Variants in FAAH2 observed in about 807,000 individuals in gnomAD.
The protein encoded by FAAH2 is fatty acid amide hydrolase 2.
A neutral mutation model predicts 36.9 loss-of-function variants in FAAH2; 60 were observed. That is an observed-to-expected ratio of 1.63 (90% CI 1.32 to 2.02). The LOEUF (loss-of-function observed/expected upper bound fraction) is 2.02, where lower values mean the gene tolerates loss of function less well. Ranked by LOEUF, FAAH2 falls within the 30% of genes most tolerant of loss-of-function variation. The pLI is 0.00. For synonymous variants in FAAH2, 214 were observed against 143.8 expected (o/e 1.49, Z -3.49); for missense variants, 689 against 397.5 (o/e 1.73, Z -6.23).
chrX:57,318,292 G>C (rs1229197230), intron 3 of FAAH2, among the ~76,000 whole-genome samples: 1 of 111,513 alleles, frequency 9.0e-6, no homozygotes, highest in African/African-American at 3.3e-5. Context: ...GAAGAAAAGA[G>C]AGAAGAATCA....
At chrX:57,212,897 G>A in the FAAH2 span, among the ~76,000 whole-genome samples, 1 of 111,498 alleles carries the variant, frequency 9.0e-6, no homozygotes, top group African/African-American at 3.3e-5. Context: ...CAGGAGGGTT[G>A]GTACCAGTTA....
chrX:57,389,174 G>C (rs2055099781), intron 7 of FAAH2, among the ~76,000 whole-genome samples: 1 of 103,077 alleles, frequency 9.7e-6, no homozygotes, highest in South Asian at 4.5e-4. Flanking sequence ...AAGTGGGTTT[G>C]TTATGGTACT....
the FAAH2 span, among the ~76,000 whole-genome samples, chrX:57,124,179 T>C: frequency 8.1e-5 from 9 of 111,667 alleles, no homozygotes; most frequent in Non-Finnish European, 1.7e-4. Context: ...TTAATTTTTG[T>C]ATAAGGTGTA....
chrX:57,147,258 C>G, the FAAH2 span, among the ~76,000 whole-genome samples: 1 of 111,413 alleles, frequency 9.0e-6, no homozygotes, highest in Admixed American at 9.5e-5. Context: ...TTGGTCTGTT[C>G]AGGGTTTCTA....
chrX:57,275,596 G>T, the FAAH2 span, among the ~76,000 whole-genome samples: 1 of 112,104 alleles, frequency 8.9e-6, no homozygotes, highest in Non-Finnish European at 1.9e-5. Context: ...AATGTAAATG[G>T]GCTTAAAGCC....
chrX:57,321,383 T>C (rs2053019627), intron 3 of FAAH2, among the ~76,000 whole-genome samples: 1 of 109,291 alleles, frequency 9.1e-6, no homozygotes, highest in African/African-American at 3.3e-5. Flanking sequence ...AGATGACGTG[T>C]TGATGGGTGC....
chrX:57,180,465 T>C, the FAAH2 span, among the ~76,000 whole-genome samples: 1 of 111,433 alleles, frequency 9.0e-6, no homozygotes, highest in Non-Finnish European at 1.9e-5. Context: ...GTTATACAAA[T>C]AACAATCATA....
At chrX:57,162,612 C>T in the FAAH2 span, among the ~76,000 whole-genome samples, 1 of 111,723 alleles carries the variant, frequency 9.0e-6, no homozygotes, top group East Asian at 2.8e-4. Flanking sequence ...TCATTCATTT[C>T]ATCCTCCATT....
the FAAH2 span, among the ~76,000 whole-genome samples, chrX:57,188,147 T>C: frequency 1.8e-5 from 2 of 111,700 alleles, no homozygotes; most frequent in African/African-American, 6.5e-5. Flanking sequence ...TACTATCGCC[T>C]CTTTGTACCT....
chrX:57,395,120 C>T (rs1043766572), intron 7 of FAAH2: 133 of 538,062 alleles, frequency 2.5e-4, no homozygotes, highest in Admixed American at 5.5e-4. Context: ...AGCTGCACTA[C>T]GAACCCGTGT....
At chrX:57,395,433 C>T (rs1175060953) in intron 7 of FAAH2, 13 of 648,540 alleles carry the variant, frequency 2.0e-5, no homozygotes, top group African/African-American at 4.4e-5. Flanking sequence ...CTGCTGCCCA[C>T]GATGGACACC....
chrX:57,409,800 G>A (rs1425088503), intron 7 of FAAH2, among the ~76,000 whole-genome samples: 1 of 108,924 alleles, frequency 9.2e-6, no homozygotes, highest in African/African-American at 3.3e-5. Context: ...TGTTTTCTTA[G>A]GTAGTCCAGC....
At chrX:57,308,829 T>TAGA (rs2052614971) in intron 2 of FAAH2, among the ~76,000 whole-genome samples, 1 of 111,548 alleles carries the variant, frequency 9.0e-6, no homozygotes, top group East Asian at 2.8e-4. Context: ...TACCACCATG[T>TAGA]TAGATAGATA....
At chrX:57,234,895 G>A in the FAAH2 span, among the ~76,000 whole-genome samples, 3 of 111,354 alleles carry the variant, frequency 2.7e-5, no homozygotes, top group South Asian at 3.8e-4. Flanking sequence ...AAAATTAACC[G>A]AGCATGGTGG....
chrX:57,231,783 C>T, the FAAH2 span, among the ~76,000 whole-genome samples: 1 of 111,538 alleles, frequency 9.0e-6, no homozygotes, highest in Non-Finnish European at 1.9e-5. Context: ...AATTATTAGG[C>T]AATTAATCCC....
the FAAH2 span, among the ~76,000 whole-genome samples, chrX:57,189,913 G>C: frequency 8.9e-6 from 1 of 112,262 alleles, no homozygotes; most frequent in African/African-American, 3.2e-5. Context: ...GAGCTTGAGT[G>C]CTATGCTAGG....
chrX:57,417,790 A>G (rs2055884331), intron 7 of FAAH2, among the ~76,000 whole-genome samples: 1 of 112,122 alleles, frequency 8.9e-6, no homozygotes, highest in South Asian at 3.7e-4. Context: ...CTTCAGAGTC[A>G]GCAGGCAGGA....
At chrX:57,137,563 T>C in the FAAH2 span, 1 of 119,514 alleles carries the variant, frequency 8.4e-6, no homozygotes. Context: ...TTAGTAGTGA[T>C]GTCTTCCATT....
chrX:57,157,757 G>A, the FAAH2 span, among the ~76,000 whole-genome samples: 1 of 111,905 alleles, frequency 8.9e-6, no homozygotes, highest in East Asian at 2.8e-4. Flanking sequence ...TCCGCAGGGG[G>A]TAGGAGGATA....
Sources: gnomAD v4.1 joint callset for allele counts (sites outside exome capture counted in the v4.1 genomes callset) on GRCh38, gnomAD v4.1.1 for gene constraint, MANE v1.5 for transcripts, NCBI Gene and HGNC (gene_info 2026-07-23, HGNC 2026-07-21) for gene names.